HIP1: variants seen among roughly 807,000 people sequenced by gnomAD.
HIP1 encodes the protein huntingtin interacting protein 1.
A neutral mutation model predicts 147.6 loss-of-function variants in HIP1; 65 were observed. The observed-to-expected ratio is 0.44, with a 90% CI of 0.36 to 0.54. HIP1 has a LOEUF of 0.54. Among genes scored for constraint, HIP1 ranks in the 20% least tolerant of loss-of-function variants. The probability of loss-of-function intolerance (pLI) is 0.00; values close to 1 mark genes in which losing one functional copy is unlikely to be tolerated. For synonymous variants in HIP1, 479 were observed against 504.0 expected (o/e 0.95, Z 0.67); for missense variants, 1,061 against 1,299.6 (o/e 0.82, Z 2.82).
intron 1 of HIP1, among the ~76,000 whole-genome samples, chr7:75,734,661 G>A (rs1554523440): frequency 6.6e-6 from 1 of 152,064 alleles, no homozygotes; most frequent in African/African-American, 2.4e-5. Flanking sequence ...GGAACTAGGA[G>A]AGGTCACCAG....
chr7:75,582,789 A>G (rs1644951279), intron 5 of HIP1, among the ~76,000 whole-genome samples: 1 of 152,128 alleles, frequency 6.6e-6, no homozygotes, highest in Admixed American at 6.6e-5. Context: ...CCTGGGCAAG[A>G]GTGAGACTCC....
At chr7:75,720,263 C>T (rs189653092) in intron 1 of HIP1, among the ~76,000 whole-genome samples, 24 of 152,200 alleles carry the variant, frequency 1.6e-4, no homozygotes, top group African/African-American at 5.5e-4. Context: ...TGGGTTCAAG[C>T]GATTCTCGTG....
chr7:75,544,944 C>T (rs925918594), intron 26 of HIP1, 144 bp from the exon 27 acceptor site: 11 of 744,110 alleles, frequency 1.5e-5, no homozygotes, highest in Admixed American at 5.1e-5. Flanking sequence ...GAGCCAGGCT[C>T]CCTTGTAAAC....
intron 1 of HIP1, among the ~76,000 whole-genome samples, chr7:75,602,770 C>T (rs1299077633): frequency 2.0e-5 from 3 of 150,256 alleles, no homozygotes; most frequent in African/African-American, 7.3e-5. Context: ...AATTGTATAC[C>T]CCCGCCCCAC....
intron 1 of HIP1, among the ~76,000 whole-genome samples, chr7:75,608,255 C>T (rs782136321): frequency 1.3e-5 from 2 of 152,034 alleles, no homozygotes; most frequent in Admixed American, 1.3e-4. Context: ...CGCTGTGAGC[C>T]GAGATCACGC....
intron 5 of HIP1, among the ~76,000 whole-genome samples, chr7:75,585,251 C>G (rs1554499328): frequency 6.6e-6 from 1 of 150,624 alleles, no homozygotes; most frequent in Non-Finnish European, 1.5e-5. Flanking sequence ...GAGGCAGCAT[C>G]TCGGCTCGCT....
intron 9 of HIP1, among the ~76,000 whole-genome samples, chr7:75,565,983 G>A (rs907027354): frequency 6.6e-6 from 1 of 151,040 alleles, no homozygotes; most frequent in Non-Finnish European, 1.5e-5. Flanking sequence ...CAAAGTGCTG[G>A]GATTACAGGT....
rs782617238 is a variant in HIP1, at chr7:75,541,875, T to G, written c.2952+44A>C. 10 of 1,394,518 alleles carry G rather than the reference T, an allele frequency of 7.2e-6. No individual in the cohort carries two copies. The South Asian group carries it at 1.2e-4, about 16-fold the overall frequency. 86.4% of individuals were successfully genotyped at this position (1,394,518 alleles called of 1,614,324 possible). ...ATGGGAATAATATTCAGAGTCCATGTCTAGGCAATAGAGGCTATCTAGACT... is the reference window on the plus strand; with the variant it reads ...ATGGGAATAATATTCAGAGTCCATGGCTAGGCAATAGAGGCTATCTAGACT... On this transcript the variant is annotated intron_variant, in intron 29 of 30. Transcript: ENST00000336926.
chr7:75,609,548 C>T (rs1163148287), intron 1 of HIP1, among the ~76,000 whole-genome samples: 1 of 151,756 alleles, frequency 6.6e-6, no homozygotes, highest in Admixed American at 6.6e-5. Context: ...TCAACGGTAC[C>T]GTTTTCTTTT....
At chr7:75,566,550 C>T (rs1332432701) in intron 9 of HIP1, among the ~76,000 whole-genome samples, 2 of 151,476 alleles carry the variant, frequency 1.3e-5, no homozygotes, top group African/African-American at 2.5e-5. Context: ...CGCTAACTTC[C>T]GGATGTTGCC....
chr7:75,670,653 A>T (rs1269253538), intron 1 of HIP1, among the ~76,000 whole-genome samples: 5 of 151,774 alleles, frequency 3.3e-5, no homozygotes, highest in African/African-American at 1.2e-4. Flanking sequence ...TCTGTCAGTC[A>T]GACTGGATGG....
At chr7:75,573,674 G>T in intron 8 of HIP1, 87 bp downstream of exon 8, 1 of 1,362,970 alleles carries the variant, frequency 7.3e-7, no homozygotes, top group Non-Finnish European at 1.0e-6. Flanking sequence ...CACTGAGAAG[G>T]ACTGCGTTTC....
At position 75,723,183 on chromosome 7, in the gene HIP1, T is replaced by G. The variant is rs572847421; in HGVS notation, c.120+15618A>C. Among the ~76,000 whole-genome samples, 21 of 152,168 alleles carry G rather than the reference T, an allele frequency of 1.4e-4. No individual in the cohort carries two copies. The South Asian group carries it at 4.2e-3, about 30-fold the overall frequency. On this transcript the variant is annotated intron_variant, in intron 1 of 30. Transcript: ENST00000336926. ...GAGTTCGAGACCAGCCTGGCCGACA[T>G]GGTGACACCCCATCCCATCTCTACT...
At position 75,555,499 on chromosome 7, in the gene HIP1, G is replaced by T. The variant is rs1794964661; in HGVS notation, c.1880C>A (p.Ser627Tyr). Reference sequence around the variant, plus strand: ...TATCACCTGCTCCGCAGCCTTCCTGGACCCCACCAGAAGCATTTTTCGTTG... The same window carrying T: ...TATCACCTGCTCCGCAGCCTTCCTGTACCCCACCAGAAGCATTTTTCGTTG... ...KDQRKMLLVGSRKAAEQVIQD... is the reference protein window; with the variant it reads ...KDQRKMLLVGYRKAAEQVIQD... Residue 627 changes from serine (S) to tyrosine (Y), a missense_variant, in exon 19 of 31, where the codon TCC (serine) becomes TAC (tyrosine). Physicochemically the swap from Ser to Tyr is moderately radical, Grantham distance 144. This residue lies in a region of HIP1 where 810 missense variants were observed against 946.8 expected (regional missense o/e 0.86). Transcript: ENST00000336926. 3 of 1,614,170 alleles carry T rather than the reference G, an allele frequency of 1.9e-6. No individual in the cohort carries two copies. The highest frequency in any genetic ancestry group is 2.5e-6 in the Non-Finnish European group (3 of 1,180,030).
chr7:75,737,162 G>A (rs1029360939), intron 1 of HIP1, among the ~76,000 whole-genome samples: 4 of 152,154 alleles, frequency 2.6e-5, no homozygotes, highest in African/African-American at 4.8e-5. Context: ...CTGGGATCAA[G>A]TGATCCTCCC....
At chr7:75,639,688 A>G (rs573847621) in intron 1 of HIP1, among the ~76,000 whole-genome samples, 1 of 151,736 alleles carries the variant, frequency 6.6e-6, no homozygotes, top group African/African-American at 2.4e-5. Flanking sequence ...GGAGGTGGTG[A>G]AAAAGGAGGG....
At chr7:75,689,358 T>G (rs1800368493) in intron 1 of HIP1, among the ~76,000 whole-genome samples, 1 of 151,750 alleles carries the variant, frequency 6.6e-6, no homozygotes. Flanking sequence ...ATCCAAAAAT[T>G]AGCTGGGTAT....
Position 75,554,158 on chromosome 7 carries a change from G to A in HIP1, c.2113C>T (p.His705Tyr), listed in dbSNP as rs782096650. Reference sequence around the variant, plus strand: ...GCTCTGAGGCAGGTGGTGGCACCATGAGCAATGGCGTCGCTGGTCAAGTGG... The same window carrying A: ...GCTCTGAGGCAGGTGGTGGCACCATAAGCAATGGCGTCGCTGGTCAAGTGG... ...LAHLTSDAIAHGATTCLRAPP... is the reference protein window; with the variant it reads ...LAHLTSDAIAYGATTCLRAPP... The change falls in exon 21 of 31, where the codon CAT becomes TAT. Residue 705 changes from histidine (H) to tyrosine (Y), a missense_variant. By Grantham distance (83) the His-to-Tyr change is moderately conservative. Around this residue, in one of 3 missense-constraint regions of HIP1, gnomAD observed 810 missense variants for 946.8 expected, o/e 0.86. Coordinates refer to ENST00000336926, the MANE Select transcript of HIP1 (RefSeq NM_005338.7). 2 of 1,614,072 alleles carry A rather than the reference G, an allele frequency of 1.2e-6. No homozygotes were observed. The highest frequency in any genetic ancestry group is 3.3e-5 in the Admixed American group (2 of 60,016).
intron 23 of HIP1, 33 bp downstream of exon 23, chr7:75,548,858 A>G: frequency 2.7e-6 from 4 of 1,468,224 alleles, no homozygotes; most frequent in South Asian, 1.1e-5. Flanking sequence ...CTGCAAAGGC[A>G]TCGTTTCAGG....
Sources: allele counts gnomAD v4.1 joint callset (sites outside exome capture counted in the v4.1 genomes callset), GRCh38; gene constraint gnomAD v4.1.1; regional missense constraint gnomAD v4.1.1; transcripts MANE v1.5; gene names NCBI Gene and HGNC (gene_info 2026-07-23, HGNC 2026-07-21).